Variants in UVRAG observed in about 807,000 individuals in gnomAD.
UVRAG encodes UV radiation resistance-associated gene protein.
UVRAG carries 19 observed loss-of-function variants against 78.0 expected under a neutral mutation model. The observed-to-expected ratio is 0.24, with a 90% CI of 0.17 to 0.36. The LOEUF (loss-of-function observed/expected upper bound fraction) is 0.36. Among genes scored for constraint, UVRAG ranks in the 10% least tolerant of loss-of-function variants. UVRAG has a pLI of 1.00. For missense variants in UVRAG, 740 were observed against 853.8 expected (o/e 0.87, Z 1.66); for synonymous variants, 323 against 324.6 (o/e 1.00, Z 0.05).
rs369375810 is a variant in UVRAG at position 76,063,445 on chromosome 11, G to A, written c.1227-2265G>A. ...CCACCTGTTGTTAGTTAGAGTGACA[G>A]TAAGGCTCAGATGGAATTCTGTCAC... On this transcript the variant is annotated intron_variant, in intron 12 of 14. Coordinates refer to ENST00000356136, the MANE Select transcript of UVRAG (RefSeq NM_003369.4). 1.4e-4 allele frequency among the ~76,000 whole-genome samples: 21 copies of A among 152,330 alleles called. No homozygotes were observed. The South Asian group carries it at 4.3e-3, about 32-fold the overall frequency.
intron 8 of UVRAG, among the ~76,000 whole-genome samples, chr11:75,989,834 C>T (rs2135294994): frequency 6.6e-6 from 1 of 152,346 alleles, no homozygotes; most frequent in East Asian, 1.9e-4. Context: ...TTTATGGTAT[C>T]CTTCTCAGTG....
chr11:76,015,143 CTG>C (rs1394373898), intron 11 of UVRAG, among the ~76,000 whole-genome samples: 1 of 152,118 alleles, frequency 6.6e-6, no homozygotes, highest in African/African-American at 2.4e-5. Context: ...TACTAGAAAA[CTG>C]TGAAGAAACT....
At chr11:75,853,257 A>G (rs762191960) in intron 2 of UVRAG, among the ~76,000 whole-genome samples, 9 of 140,680 alleles carry the variant, frequency 6.4e-5, no homozygotes, top group Non-Finnish European at 1.3e-4. Context: ...TTGTTTAACA[A>G]CTTTTTTTAA....
At chr11:75,891,893 G>A (rs1429710707) in intron 5 of UVRAG, among the ~76,000 whole-genome samples, 1 of 152,022 alleles carries the variant, frequency 6.6e-6, no homozygotes, top group African/African-American at 2.4e-5. Flanking sequence ...GGCAATGGAC[G>A]AGACCCTGTC....
chr11:75,919,917 A>T (rs182465980), intron 6 of UVRAG, among the ~76,000 whole-genome samples: 1 of 152,038 alleles, frequency 6.6e-6, no homozygotes, highest in East Asian at 1.9e-4. Flanking sequence ...AGTAAAATAG[A>T]AAAGTGTAAT....
Position 75,851,816 on chromosome 11 carries a change from C to G in UVRAG, c.118-67C>G, listed in dbSNP as rs918107478. The G allele has an allele frequency of 6.4e-6, 8 of 1,259,450 alleles. No homozygotes were observed. In the Admixed American group the frequency reaches 7.8e-5, roughly 12 times the overall value. 78.0% of individuals were successfully genotyped at this position (1,259,450 alleles called of 1,614,324 possible). A position where few individuals can be genotyped will look rare whatever the true frequency, so the allele number is the denominator to read the frequency against. On this transcript the variant is annotated intron_variant, in intron 1 of 14. Transcript: ENST00000356136. Reference sequence around the variant, plus strand: ...CTTATTACATTTCATTTTTGAACTGCAACTTCCAGAAAATTTTATAGGAGG... The same window carrying G: ...CTTATTACATTTCATTTTTGAACTGGAACTTCCAGAAAATTTTATAGGAGG...
At chr11:76,037,266 A>G (rs1041548839) in intron 12 of UVRAG, among the ~76,000 whole-genome samples, 1 of 152,214 alleles carries the variant, frequency 6.6e-6, no homozygotes, top group Non-Finnish European at 1.5e-5. Flanking sequence ...GAATGAGTCA[A>G]TGGCTCAGCA....
chr11:75,869,333 A>C (rs1254251432), intron 3 of UVRAG, among the ~76,000 whole-genome samples: 1 of 152,192 alleles, frequency 6.6e-6, no homozygotes, highest in African/African-American at 2.4e-5. Flanking sequence ...GTGACTGAGG[A>C]GCTGTTTTTA....
chr11:75,969,791 A>G (rs532911350), intron 7 of UVRAG, among the ~76,000 whole-genome samples: 22 of 152,262 alleles, frequency 1.4e-4, no homozygotes, highest in African/African-American at 4.8e-4. Context: ...TACATTGCCA[A>G]AAATCGTTGT....
chr11:75,959,627 C>T lies in UVRAG; in HGVS notation c.594-1817C>T, dbSNP rs552494535. ...CCGCATCAGCAATAAGGCTGTTTTA[C>T]TTTCTTATCATTCGTGTGTTCACTG... On this transcript the variant is annotated intron_variant, in intron 6 of 14. Coordinates refer to ENST00000356136, the MANE Select transcript of UVRAG (RefSeq NM_003369.4). Among the ~76,000 whole-genome samples the T allele has an allele frequency of 8.5e-5, 13 of 152,302 alleles. 1 individual carries two copies. The South Asian group carries it at 1.7e-3, about 19-fold the overall frequency.
chr11:75,913,590 G>A (rs1257435090), intron 6 of UVRAG, among the ~76,000 whole-genome samples: 2 of 152,202 alleles, frequency 1.3e-5, no homozygotes, highest in African/African-American at 4.8e-5. Flanking sequence ...AGTCCTTCAT[G>A]CATCAGGGAT....
intron 4 of UVRAG, among the ~76,000 whole-genome samples, chr11:75,882,410 G>T (rs528824213): frequency 6.6e-6 from 1 of 152,158 alleles, no homozygotes; most frequent in South Asian, 2.1e-4. Context: ...CTACTCAGGA[G>T]GCTGAGGTGG....
intron 13 of UVRAG, 137 bp from the exon 14 acceptor site, chr11:76,115,787 A>G: frequency 1.4e-6 from 1 of 729,678 alleles, no homozygotes; most frequent in South Asian, 1.8e-5. Context: ...AGTGGAAAGT[A>G]CTGTGAGGCT....
chr11:76,028,888 A>G (rs1429732886), intron 12 of UVRAG, among the ~76,000 whole-genome samples: 10 of 152,190 alleles, frequency 6.6e-5, no homozygotes, highest in Non-Finnish European at 1.5e-5. Flanking sequence ...AGGTGGCTAC[A>G]CTAAACAACA....
intron 8 of UVRAG, among the ~76,000 whole-genome samples, chr11:76,001,883 G>A (rs1949820610): frequency 6.6e-6 from 1 of 152,182 alleles, no homozygotes; most frequent in Non-Finnish European, 1.5e-5. Flanking sequence ...GCTGACTGAT[G>A]ATTATGGAGG....
At chr11:76,003,073 A>C (rs1205767949) in intron 8 of UVRAG, among the ~76,000 whole-genome samples, 2 of 150,430 alleles carry the variant, frequency 1.3e-5, no homozygotes, top group Non-Finnish European at 3.0e-5. Context: ...AACCCTGTCT[A>C]AAAAAAAAGA....
intron 14 of UVRAG, among the ~76,000 whole-genome samples, chr11:76,120,215 G>T (rs1467725588): frequency 6.6e-6 from 1 of 152,148 alleles, no homozygotes; most frequent in Non-Finnish European, 1.5e-5. Context: ...TCTGGGCTTT[G>T]TGGTTCCTTG....
intron 6 of UVRAG, among the ~76,000 whole-genome samples, chr11:75,941,478 C>G (rs1948483304): frequency 1.3e-5 from 2 of 152,114 alleles, no homozygotes; most frequent in African/African-American, 4.8e-5. Context: ...TTGTTTGTTT[C>G]TTTTTGGAAT....
chr11:75,986,660 A>G (rs1257386675), intron 8 of UVRAG, among the ~76,000 whole-genome samples: 1 of 152,192 alleles, frequency 6.6e-6, no homozygotes, highest in Non-Finnish European at 1.5e-5. Context: ...TTGAAAGTGT[A>G]TAATTCAGTT....
Sources: gnomAD v4.1 joint callset for allele counts (sites outside exome capture counted in the v4.1 genomes callset) on GRCh38, gnomAD v4.1.1 for gene constraint, MANE v1.5 for transcripts, NCBI Gene and HGNC (gene_info 2026-07-23, HGNC 2026-07-21) for gene names.